SH3D19: variants seen among roughly 807,000 people sequenced by gnomAD.
SH3D19 encodes SH3 domain-containing protein 19.
SH3D19 carries 58 observed loss-of-function variants against 112.1 expected under a neutral mutation model. The ratio of observed to expected loss-of-function variants is 0.52; its 90% CI spans 0.42 to 0.64. The LOEUF is 0.64. Among genes scored for constraint, SH3D19 ranks in the 30% least tolerant of loss-of-function variants. The pLI is 0.00. For missense variants in SH3D19, 1,090 were observed against 1,263.4 expected, an observed-to-expected ratio of 0.86 and a Z score of 2.08; for synonymous variants, 391 against 448.5, an observed-to-expected ratio of 0.87 and a Z score of 1.62.
Position 151,180,400 on chromosome 4 carries a change from CA to C in SH3D19, c.194-1004del, listed in dbSNP as rs575182317. On this transcript the variant is annotated intron_variant, in intron 3 of 19. Transcript: ENST00000604030. Reference sequence around the variant, plus strand: ...ATCTAGAACATATCACATATGGGGTCATTTTTTTTTCTTTTTTTTTTTTTTT... The same window carrying C: ...ATCTAGAACATATCACATATGGGGTCTTTTTTTTTCTTTTTTTTTTTTTTT... Among the ~76,000 whole-genome samples the C allele has an allele frequency of 3.1e-3, 431 of 138,018 alleles. 1 individual carries two copies. The highest frequency in any genetic ancestry group is 9.9e-3 in the African/African-American group (397 of 40,132). The allele number at this position is 138,018 out of a possible 152,430, so 90.5% of individuals were successfully genotyped here.
At chr4:151,284,168 C>A (rs1381467712) in intron 1 of SH3D19, among the ~76,000 whole-genome samples, 1 of 152,160 alleles carries the variant, frequency 6.6e-6, no homozygotes, top group East Asian at 1.9e-4. Context: ...AAAAACTATT[C>A]TGCCTCATTT....
At chr4:151,305,754 GA>G (rs1156482186) in intron 1 of SH3D19, among the ~76,000 whole-genome samples, 5 of 152,280 alleles carry the variant, frequency 3.3e-5, no homozygotes, top group African/African-American at 1.2e-4. Context: ...AGCCACTCTG[GA>G]AAACAGTTTG....
chr4:151,187,554 G>C, intron 2 of SH3D19, 91 bp from the exon 3 acceptor site: 5 of 675,106 alleles, frequency 7.4e-6, no homozygotes, highest in Non-Finnish European at 1.0e-5. Context: ...GATTCAATAT[G>C]GTGCTAAGCC....
chr4:151,228,672 T>G (rs760509584), intron 1 of SH3D19, among the ~76,000 whole-genome samples: 5 of 152,134 alleles, frequency 3.3e-5, no homozygotes, highest in Non-Finnish European at 7.4e-5. Context: ...AACAAATCAC[T>G]GAGGGTGGAT....
intron 2 of SH3D19, among the ~76,000 whole-genome samples, chr4:151,216,442 T>C (rs1198661994): frequency 6.6e-6 from 1 of 152,184 alleles, no homozygotes; most frequent in Non-Finnish European, 1.5e-5. Context: ...CAAACTTCAC[T>C]TGACTACAGG....
intron 2 of SH3D19, among the ~76,000 whole-genome samples, chr4:151,197,389 G>A: frequency 6.6e-6 from 1 of 152,204 alleles, no homozygotes; most frequent in East Asian, 1.9e-4. Context: ...CGTCAGAAGG[G>A]ATAGTTGCAC....
intron 2 of SH3D19, among the ~76,000 whole-genome samples, chr4:151,214,568 A>C (rs867048709): frequency 3.2e-5 from 4 of 124,290 alleles, no homozygotes; most frequent in South Asian, 2.7e-4. Context: ...CCGGACGGGG[A>C]GGCTGGCCGG....
At chr4:151,245,648 C>T (rs1416778977) in intron 1 of SH3D19, among the ~76,000 whole-genome samples, 11 of 152,184 alleles carry the variant, frequency 7.2e-5, no homozygotes, top group South Asian at 2.1e-4. Flanking sequence ...TGTCACCAGG[C>T]GGGTGTGCAG....
At chr4:151,160,518 A>T (rs1337119187) in intron 8 of SH3D19, among the ~76,000 whole-genome samples, 1 of 152,236 alleles carries the variant, frequency 6.6e-6, no homozygotes, top group Non-Finnish European at 1.5e-5. Context: ...AAAAGAAGAA[A>T]ACCAAGATGA....
chr4:151,219,263 T>A (rs1218378983), intron 2 of SH3D19, among the ~76,000 whole-genome samples: 1 of 152,204 alleles, frequency 6.6e-6, no homozygotes, highest in Non-Finnish European at 1.5e-5. Flanking sequence ...TGGTCTGACT[T>A]CAGCAAGAAT....
chr4:151,239,452 G>A (rs938417983), intron 1 of SH3D19, among the ~76,000 whole-genome samples: 1 of 152,126 alleles, frequency 6.6e-6, no homozygotes, highest in Non-Finnish European at 1.5e-5. Context: ...TCATAGAGAA[G>A]AAGTATTGTG....
chr4:151,176,737 G>A (rs1579974449), intron 5 of SH3D19, 50 bp from the exon 6 acceptor site: 1 of 1,225,818 alleles, frequency 8.2e-7, no homozygotes, highest in East Asian at 3.2e-5. Context: ...AATAGCTAAG[G>A]TGTTGACAGT....
At chr4:151,167,687 C>T (rs1362690521) in intron 7 of SH3D19, among the ~76,000 whole-genome samples, 3 of 151,878 alleles carry the variant, frequency 2.0e-5, no homozygotes, top group East Asian at 1.9e-4. Context: ...TCTGCCCGAC[C>T]GCCGCCCCAT....
At chr4:151,225,308 T>A (rs1295989708) in intron 2 of SH3D19, among the ~76,000 whole-genome samples, 1 of 152,176 alleles carries the variant, frequency 6.6e-6, no homozygotes, top group Admixed American at 6.5e-5. Context: ...AAAATTATAA[T>A]CTTTCATAGT....
intron 1 of SH3D19, among the ~76,000 whole-genome samples, chr4:151,236,358 G>T (rs1770043014): frequency 6.6e-6 from 1 of 152,278 alleles, no homozygotes; most frequent in African/African-American, 2.4e-5. Flanking sequence ...GGCTTGATTG[G>T]GGGATGAGCT....
intron 2 of SH3D19, among the ~76,000 whole-genome samples, chr4:151,193,965 G>T (rs1292398775): frequency 6.6e-6 from 1 of 150,772 alleles, no homozygotes; most frequent in Non-Finnish European, 1.5e-5. Flanking sequence ...GACAAAAAGG[G>T]CTAAAATCTA....
In SH3D19 at chr4:151,133,254, T is replaced by A; in HGVS notation, c.2487-18A>T. 6.2e-7 allele frequency: 1 copy of A among 1,610,570 alleles called. No homozygotes were observed. The highest frequency in any genetic ancestry group is 8.5e-7 in the Non-Finnish European group (1 of 1,176,932). ...TTGAGCCTCTGAATGAAGAACACATTTTGTGGATTAGACTAGAGAGTGCTT... is the reference window on the plus strand; with the variant it reads ...TTGAGCCTCTGAATGAAGAACACATATTGTGGATTAGACTAGAGAGTGCTT... On this transcript the variant is annotated intron_variant, in intron 15 of 19. Coordinates refer to ENST00000604030, the MANE Select transcript of SH3D19 (RefSeq NM_001378122.1).
chr4:151,242,449 C>G (rs558631194), intron 1 of SH3D19, among the ~76,000 whole-genome samples: 1 of 152,130 alleles, frequency 6.6e-6, no homozygotes, highest in Non-Finnish European at 1.5e-5. Flanking sequence ...AAATAACATG[C>G]GCAGAGTCAC....
chr4:151,192,523 CCA>C (rs1762816496), intron 2 of SH3D19, among the ~76,000 whole-genome samples: 1 of 152,166 alleles, frequency 6.6e-6, no homozygotes, highest in Admixed American at 6.5e-5. Flanking sequence ...CCTGCCATCA[CCA>C]GTGGGTTAAC....
Sources: allele counts gnomAD v4.1 joint callset (sites outside exome capture counted in the v4.1 genomes callset), GRCh38; gene constraint gnomAD v4.1.1; transcripts MANE v1.5; gene names NCBI Gene and HGNC (gene_info 2026-07-23, HGNC 2026-07-21).